The following SLC24A2 variants were observed in gnomAD, a reference collection of about 807,000 sequenced individuals.
SLC24A2 encodes the protein sodium/potassium/calcium exchanger 2.
SLC24A2 carries 36 observed loss-of-function variants against 62.0 expected under a neutral mutation model. The ratio of observed to expected loss-of-function variants is 0.58; its 90% CI spans 0.44 to 0.77. The LOEUF is 0.77. Ranked by LOEUF, SLC24A2 falls within the 30% of genes least tolerant of loss-of-function variation. The pLI is 0.00. For missense variants in SLC24A2, 846 were observed against 817.9 expected, an observed-to-expected ratio of 1.03 and a Z score of -0.42; for synonymous variants, 358 against 294.0, an observed-to-expected ratio of 1.22 and a Z score of -2.23.
At chr9:20,118,179 A>G in the SLC24A2 span, among the ~76,000 whole-genome samples, 1 of 137,282 alleles carries the variant, frequency 7.3e-6, no homozygotes, top group African/African-American at 2.7e-5. Context: ...AGCTGGTGAG[A>G]ATCGAAAGAA....
chr9:20,090,503 C>T, the SLC24A2 span, among the ~76,000 whole-genome samples: 1 of 152,132 alleles, frequency 6.6e-6, no homozygotes, highest in Non-Finnish European at 1.5e-5. Context: ...GGGAGCCCCA[C>T]GCCTGAGCAA....
chr9:20,173,290 T>A, the SLC24A2 span, among the ~76,000 whole-genome samples: 3 of 152,164 alleles, frequency 2.0e-5, no homozygotes, highest in East Asian at 5.8e-4. Flanking sequence ...ATGCCCACTC[T>A]CACCACTTCT....
the SLC24A2 span, among the ~76,000 whole-genome samples, chr9:20,135,242 C>G: frequency 6.6e-6 from 1 of 151,842 alleles, no homozygotes; most frequent in South Asian, 2.1e-4. Context: ...TAAATCTATT[C>G]CAAGAAATTC....
chr9:20,277,068 C>T, the SLC24A2 span, among the ~76,000 whole-genome samples: 1 of 152,212 alleles, frequency 6.6e-6, no homozygotes, highest in Admixed American at 6.5e-5. Context: ...CTCCTCATTA[C>T]CTTTGCAAAT....
intron 2 of SLC24A2, among the ~76,000 whole-genome samples, chr9:19,653,017 T>G (rs553929651): frequency 2.6e-5 from 4 of 152,304 alleles, no homozygotes; most frequent in African/African-American, 9.6e-5. Flanking sequence ...CTTACTTGGC[T>G]TTGGTTTACC....
intron 4 of SLC24A2, among the ~76,000 whole-genome samples, chr9:19,618,426 C>T (rs955852044): frequency 7.9e-5 from 12 of 152,138 alleles, no homozygotes; most frequent in African/African-American, 2.9e-4. Flanking sequence ...GAGAATATCA[C>T]ATCAGCTATA....
the SLC24A2 span, among the ~76,000 whole-genome samples, chr9:20,254,875 G>T: frequency 6.6e-6 from 1 of 152,192 alleles, no homozygotes; most frequent in Non-Finnish European, 1.5e-5. Context: ...TGAAGGAGGA[G>T]CAAAGATACA....
the SLC24A2 span, among the ~76,000 whole-genome samples, chr9:19,885,344 C>T: frequency 6.6e-6 from 1 of 152,062 alleles, no homozygotes; most frequent in Non-Finnish European, 1.5e-5. Context: ...TAGGCAGGGG[C>T]CTGAGTAGAG....
the SLC24A2 span, chr9:19,929,103 C>T: frequency 6.6e-6 from 1 of 152,214 alleles, no homozygotes; most frequent in East Asian, 1.9e-4. Flanking sequence ...ATCGCTTTGT[C>T]TGGAGAATAA....
At position 19,573,529 on chromosome 9, in the gene SLC24A2, C is replaced by CACACACACACAGAGAG. The variant is rs1390433234; in HGVS notation, c.1229-61_1229-60insCTCTCTGTGTGTGTGT. 4.9e-5 allele frequency: 21 copies of CACACACACACAGAGAG among 432,734 alleles called. No individual in the cohort carries two copies. The East Asian group carries it at 1.0e-3, about 21-fold the overall frequency. 26.8% of individuals were successfully genotyped at this position (432,734 alleles called of 1,614,324 possible). On this transcript the variant is annotated intron_variant, in intron 6 of 10. Coordinates refer to ENST00000341998, the MANE Select transcript of SLC24A2 (RefSeq NM_020344.4). The stretch of plus-strand genomic sequence containing the variant: ...ACACACACACACACACACACACACA[C>CACACACACACAGAGAG]AGAGAGAGAGAGAGAGAGAGAGAGA...
intron 2 of SLC24A2, among the ~76,000 whole-genome samples, chr9:19,630,170 AT>A (rs2117977440): frequency 6.6e-6 from 1 of 152,282 alleles, no homozygotes; most frequent in African/African-American, 2.4e-5. Flanking sequence ...TTGTAGTCAC[AT>A]TTTATCACAC....
the SLC24A2 span, among the ~76,000 whole-genome samples, chr9:20,163,518 G>C: frequency 6.6e-6 from 1 of 152,118 alleles, no homozygotes; most frequent in Non-Finnish European, 1.5e-5. Flanking sequence ...CATGCTCATG[G>C]GTAGGAAGAA....
the SLC24A2 span, among the ~76,000 whole-genome samples, chr9:19,887,733 G>A: frequency 3.3e-5 from 5 of 151,994 alleles, no homozygotes; most frequent in Non-Finnish European, 5.9e-5. Flanking sequence ...GTCATTATAC[G>A]AAAAATATAC....
chr9:20,091,711 C>A, the SLC24A2 span, among the ~76,000 whole-genome samples: 1 of 152,234 alleles, frequency 6.6e-6, no homozygotes, highest in African/African-American at 2.4e-5. Flanking sequence ...TTGAAAAGAG[C>A]TCTAAATATG....
chr9:19,892,620 T>G, the SLC24A2 span, among the ~76,000 whole-genome samples: 1 of 152,200 alleles, frequency 6.6e-6, no homozygotes, highest in Non-Finnish European at 1.5e-5. Flanking sequence ...GAAATCCACC[T>G]AAGTGATTAC....
At chr9:19,542,235 C>A (rs941147495) in intron 8 of SLC24A2, among the ~76,000 whole-genome samples, 9 of 152,176 alleles carry the variant, frequency 5.9e-5, no homozygotes, top group Non-Finnish European at 2.9e-5. Flanking sequence ...CCTCCCTTCT[C>A]TCTGTTTGTC....
intron 4 of SLC24A2, among the ~76,000 whole-genome samples, chr9:19,610,225 T>A (rs557074349): frequency 6.6e-6 from 1 of 152,312 alleles, no homozygotes; most frequent in East Asian, 1.9e-4. Flanking sequence ...AAGGAGAAAT[T>A]ACTATAATTG....
At chr9:19,741,244 C>A (rs1218964041) in intron 2 of SLC24A2, among the ~76,000 whole-genome samples, 2 of 152,150 alleles carry the variant, frequency 1.3e-5, no homozygotes, top group East Asian at 3.9e-4. Flanking sequence ...TTTTGCAAAC[C>A]ACGCTCCTGA....
the SLC24A2 span, among the ~76,000 whole-genome samples, chr9:20,261,029 T>C: frequency 7.2e-4 from 109 of 151,972 alleles, no homozygotes; most frequent in South Asian, 1.0e-3. Context: ...CTAATTTTTG[T>C]ATTTTTAGTA....
Sources: gnomAD v4.1 joint callset for allele counts (sites outside exome capture counted in the v4.1 genomes callset) on GRCh38, gnomAD v4.1.1 for gene constraint, MANE v1.5 for transcripts, NCBI Gene and HGNC (gene_info 2026-07-23, HGNC 2026-07-21) for gene names.